The following TRRAP variants were observed in gnomAD, a reference collection of about 807,000 sequenced individuals.
TRRAP encodes transformation/transcription domain-associated protein.
TRRAP carries 41 observed loss-of-function variants against 438.8 expected under a neutral mutation model. The ratio of observed to expected loss-of-function variants is 0.09; its 90% confidence interval spans 0.07 to 0.12. The LOEUF (loss-of-function observed/expected upper bound fraction) is 0.12. Ranked by LOEUF, TRRAP falls within the 10% of genes least tolerant of loss-of-function variation. The probability of loss-of-function intolerance (pLI) is 1.00; values close to 1 mark genes in which losing one functional copy is unlikely to be tolerated. For missense variants in TRRAP, 3,122 were observed against 5,055.1 expected, an observed-to-expected ratio of 0.62 and a Z score of 11.60; for synonymous variants, 1,994 against 1,962.9, an observed-to-expected ratio of 1.02 and a Z score of -0.42.
chr7:98,929,329 T>G (rs1285726934), intron 23 of TRRAP, among the ~76,000 whole-genome samples: 2 of 152,212 alleles, frequency 1.3e-5, no homozygotes, highest in African/African-American at 4.8e-5. Flanking sequence ...CTCAAGTGAT[T>G]CCCCTGCCTT....
intron 52 of TRRAP, 66 bp downstream of exon 52, chr7:98,970,357 A>T: frequency 6.4e-7 from 1 of 1,560,392 alleles, no homozygotes; most frequent in Non-Finnish European, 8.7e-7. Flanking sequence ...CCACGGGCAG[A>T]ATCCCAGAGA....
At chr7:99,003,156 G>A (rs763691242) in intron 67 of TRRAP, among the ~76,000 whole-genome samples, 6 of 152,136 alleles carry the variant, frequency 3.9e-5, no homozygotes, top group Admixed American at 1.3e-4. Flanking sequence ...ACCTCCAGTC[G>A]CCCTGGTGAG....
rs375690865 is a variant in TRRAP at position 98,949,600 on chromosome 7, G to A, written c.4953+19G>A. 1.3e-5 allele frequency: 21 copies of A among 1,584,262 alleles called. No homozygotes were observed. Among genetic ancestry groups the A allele is most frequent in the Non-Finnish European group, 1.8e-5 (21 of 1,164,902 alleles). ...CATCAAGGTAGCGCCCCTTCCTCCA[G>A]CCCCCAATGCCCAGGGGTTTAATCG... On this transcript the variant is annotated intron_variant, in intron 36 of 72. Coordinates refer to ENST00000456197, the MANE Select transcript of TRRAP (RefSeq NM_001375524.1).
At position 99,008,464 on chromosome 7, in the gene TRRAP, G is replaced by A. The variant is rs1275095353; in HGVS notation, c.10841G>A (p.Arg3614His). ...TCCCTTGTGGAGATCTACAAGCAGC[G>A]CTGCGCCAAGAAGGGCATCGAGCAT... ...SLSLVEIYKQ[R>H]CAKKGIEHDN... The change falls in exon 70 of 73, where the codon CGC becomes CAC. Residue 3614 changes from arginine (R) to histidine (H), a missense_variant. By Grantham distance (29) the Arg-to-His change is conservative. This residue lies in a region of TRRAP where 38 missense variants were observed against 32.1 expected (regional missense o/e 1.18). Transcript: ENST00000456197. The A allele has an allele frequency of 5.0e-6, 8 of 1,614,138 alleles. No individual in the cohort carries two copies. Among genetic ancestry groups the A allele is most frequent in the East Asian group, 2.2e-5 (1 of 44,870 alleles).
At chr7:99,001,923 G>A (rs1385851151) in intron 67 of TRRAP, among the ~76,000 whole-genome samples, 1 of 152,100 alleles carries the variant, frequency 6.6e-6, no homozygotes, top group Non-Finnish European at 1.5e-5. Context: ...CTTTCAGAAG[G>A]TATTGAATAC....
In TRRAP at chr7:98,941,067, G is replaced by T. The variant is rs531634289; in HGVS notation, c.4405-1882G>T. Among the ~76,000 whole-genome samples, 8 of 152,272 alleles carry T rather than the reference G, an allele frequency of 5.3e-5. No homozygotes were observed. In the South Asian group the frequency reaches 1.5e-3, roughly 28 times the overall value. On this transcript the variant is annotated intron_variant, in intron 30 of 72. Coordinates refer to ENST00000456197, the MANE Select transcript of TRRAP (RefSeq NM_001375524.1). ...TTTGGCCCATTTTGAGTTCATTTTT[G>T]TATATGGCATTAGATAATGGTCCAA...
At chr7:98,970,597 A>AT (rs5886090) in intron 52 of TRRAP, among the ~76,000 whole-genome samples, 76 of 147,456 alleles carry the variant, frequency 5.2e-4, no homozygotes, top group South Asian at 1.9e-3. Flanking sequence ...GTTCAGCTAG[A>AT]TTTTTTTTTT....
At chr7:98,881,952 G>A (rs1554403181) in intron 2 of TRRAP, 23 bp from the exon 3 acceptor site, 1 of 1,595,888 alleles carries the variant, frequency 6.3e-7, no homozygotes, top group South Asian at 1.2e-5. Context: ...TCAATTACCT[G>A]ATGCTTGTTT....
chr7:98,904,311 G>A (rs1796615603), intron 12 of TRRAP, among the ~76,000 whole-genome samples: 1 of 151,660 alleles, frequency 6.6e-6, no homozygotes, highest in Non-Finnish European at 1.5e-5. Context: ...GTGAAACACC[G>A]TCTCTACTAA....
chr7:98,970,547 A>G (rs1792367841), intron 52 of TRRAP, among the ~76,000 whole-genome samples: 1 of 152,150 alleles, frequency 6.6e-6, no homozygotes, highest in African/African-American at 2.4e-5. Flanking sequence ...AACAAGGTAT[A>G]AAAACCTGTC....
intron 18 of TRRAP, 148 bp from the exon 19 acceptor site, chr7:98,915,575 G>A (rs1554409455): frequency 2.3e-6 from 2 of 884,232 alleles, no homozygotes; most frequent in Non-Finnish European, 3.4e-6. Flanking sequence ...ATAAAGATTG[G>A]AATATGCTTG....
At position 98,970,072 on chromosome 7, in the gene TRRAP, CG is replaced by C. The variant is rs772145122; in HGVS notation, c.7513-39del. 7.0e-5 allele frequency: 113 copies of C among 1,603,056 alleles called. No individual in the cohort carries two copies. The African/African-American group carries it at 1.4e-3, about 19-fold the overall frequency. On this transcript the variant is annotated intron_variant, in intron 51 of 72. Transcript: ENST00000456197. ...AAGTCCAGATGCCCTGAATGCCACG[CG>C]CATGCCTTGGGTCTGTCTCCTTTCC...
chr7:98,946,163 G>A (rs1452948912), intron 33 of TRRAP, among the ~76,000 whole-genome samples: 6 of 152,210 alleles, frequency 3.9e-5, no homozygotes, highest in African/African-American at 7.2e-5. Flanking sequence ...TTTTAAGCAA[G>A]ACTCTTAAGT....
intron 39 of TRRAP, among the ~76,000 whole-genome samples, chr7:98,952,779 T>C (rs527986475): frequency 6.6e-6 from 1 of 152,244 alleles, no homozygotes; most frequent in Non-Finnish European, 1.5e-5. Context: ...CATCTCATGC[T>C]CGGTAAGTCA....
rs139677681 is a variant in TRRAP, at chr7:98,926,149, G to A, written c.2975+886G>A. On this transcript the variant is annotated intron_variant, in intron 22 of 72. Transcript: ENST00000456197. ...GAGAGAAAAGATGGAAAATTCAAGAGAGAGTAAGAGACATGAAGAGTAGAG... is the reference window on the plus strand; with the variant it reads ...GAGAGAAAAGATGGAAAATTCAAGAAAGAGTAAGAGACATGAAGAGTAGAG... Among the ~76,000 whole-genome samples, 48 of 152,276 alleles carry A rather than the reference G, an allele frequency of 3.2e-4. 1 individual carries two copies. The highest frequency in any genetic ancestry group is 3.4e-3 in the Middle Eastern group (1 of 294).
At chr7:98,941,178 G>A (rs1438872581) in intron 30 of TRRAP, among the ~76,000 whole-genome samples, 3 of 152,046 alleles carry the variant, frequency 2.0e-5, no homozygotes, top group Admixed American at 2.0e-4. Flanking sequence ...TGGTTCGTTG[G>A]TTTTTCTGTT....
At chr7:98,943,428 A>T (rs1554416122) in intron 31 of TRRAP, among the ~76,000 whole-genome samples, 1 of 152,172 alleles carries the variant, frequency 6.6e-6, no homozygotes, top group Admixed American at 6.5e-5. Flanking sequence ...AAATGTGTTT[A>T]ATCATTATTG....
chr7:98,909,065 C>G, intron 14 of TRRAP, 103 bp downstream of exon 14: 1 of 1,147,676 alleles, frequency 8.7e-7, no homozygotes, highest in East Asian at 2.6e-5. Context: ...GTTCTGTTGC[C>G]TAGGCTGAAG....
intron 1 of TRRAP, 44 bp from the exon 2 acceptor site, chr7:98,881,046 C>T: frequency 7.3e-6 from 6 of 825,576 alleles, no homozygotes; most frequent in East Asian, 2.8e-5. Context: ...GATTGTGATC[C>T]TGTGCCCTCC....
Sources: gnomAD v4.1 joint callset for allele counts (sites outside exome capture counted in the v4.1 genomes callset) on GRCh38, gnomAD v4.1.1 for gene constraint, gnomAD v4.1.1 regional missense constraint, MANE v1.5 for transcripts, NCBI Gene and HGNC (gene_info 2026-07-23, HGNC 2026-07-21) for gene names.